Variants in PIWIL3 observed in about 807,000 individuals in gnomAD.
The protein encoded by PIWIL3 is piwi-like protein 3.
PIWIL3 carries 101 observed loss-of-function variants against 109.7 expected under a neutral mutation model. The ratio of observed to expected loss-of-function variants is 0.92; its 90% CI spans 0.78 to 1.09. PIWIL3 has a LOEUF of 1.09. Ranked by LOEUF, PIWIL3 falls within the 50% of genes least tolerant of loss-of-function variation. The probability of loss-of-function intolerance (pLI) is 0.00; values close to 1 mark genes in which losing one functional copy is unlikely to be tolerated. For synonymous variants in PIWIL3, 373 were observed against 376.4 expected (o/e 0.99, Z 0.10); for missense variants, 1,031 against 1,072.6 (o/e 0.96, Z 0.54).
intron 16 of PIWIL3, among the ~76,000 whole-genome samples, chr22:24,727,668 G>GGT (rs1388173920): frequency 3.3e-5 from 5 of 152,156 alleles, no homozygotes. Context: ...TGAACTACCA[G>GGT]GTGTCTGATC....
intron 19 of PIWIL3, among the ~76,000 whole-genome samples, chr22:24,721,298 A>G (rs1422122647): frequency 6.6e-6 from 1 of 152,154 alleles, no homozygotes; most frequent in African/African-American, 2.4e-5. Context: ...TTGTAAATAT[A>G]TTATTCCTGT....
chr22:24,730,979 C>CT, intron 14 of PIWIL3, among the ~76,000 whole-genome samples: 1 of 152,264 alleles, frequency 6.6e-6, no homozygotes. Context: ...CATCACAACT[C>CT]TTTCAGTACT....
intron 12 of PIWIL3, among the ~76,000 whole-genome samples, chr22:24,745,885 T>A (rs1256619025): frequency 6.6e-6 from 1 of 151,962 alleles, no homozygotes; most frequent in Non-Finnish European, 1.5e-5. Flanking sequence ...ACTAAACATA[T>A]ACAACCTACC....
chr22:24,760,887 T>C (rs1206768223), intron 2 of PIWIL3, among the ~76,000 whole-genome samples: 2 of 147,552 alleles, frequency 1.4e-5, no homozygotes, highest in Non-Finnish European at 3.0e-5. Context: ...GACAAGGAAA[T>C]AGCAAGGGAT....
At chr22:24,768,211 T>C (rs1452775229) in intron 1 of PIWIL3, among the ~76,000 whole-genome samples, 1 of 152,094 alleles carries the variant, frequency 6.6e-6, no homozygotes, top group Non-Finnish European at 1.5e-5. Context: ...TTTCCCTTTT[T>C]CTTTTTTTGT....
At chr22:24,758,623 C>A (rs1033898320) in intron 3 of PIWIL3, among the ~76,000 whole-genome samples, 1 of 152,182 alleles carries the variant, frequency 6.6e-6, no homozygotes, top group Non-Finnish European at 1.5e-5. Context: ...ATCCCGTACA[C>A]CTAAATGGCC....
In PIWIL3 at chr22:24,719,589, C is replaced by G; in HGVS notation, c.2506-1G>C. On this transcript the variant is annotated splice_acceptor_variant, in intron 20 of 20. Transcript: ENST00000616349. LOFTEE classifies it high-confidence loss of function. ...AAGGCGCTGGAACTCGGATGATGCC[C>G]TTTAGTAGGAAAAGAAAATACACAA... 1 of 1,578,958 alleles carries G rather than the reference C, an allele frequency of 6.3e-7. No homozygotes were observed. Among genetic ancestry groups the G allele is most frequent in the Non-Finnish European group, 8.6e-7 (1 of 1,166,610 alleles).
chr22:24,720,140 C>T (rs1922576455), intron 19 of PIWIL3, among the ~76,000 whole-genome samples: 1 of 151,946 alleles, frequency 6.6e-6, no homozygotes, highest in Non-Finnish European at 1.5e-5. Flanking sequence ...TGCACTGAAA[C>T]CTAGAGGAAG....
At chr22:24,721,223 T>G (rs540955383) in intron 19 of PIWIL3, among the ~76,000 whole-genome samples, 1 of 152,246 alleles carries the variant, frequency 6.6e-6, no homozygotes, top group Non-Finnish European at 1.5e-5. Context: ...TGGTTATTTT[T>G]AAGCATTTTA....
chr22:24,762,363 C>G, intron 2 of PIWIL3, 35 bp downstream of exon 2: 2 of 1,598,172 alleles, frequency 1.3e-6, no homozygotes, highest in Non-Finnish European at 1.7e-6. Context: ...AGGCACATAT[C>G]TCTTGCAGAA....
Position 24,762,508 on chromosome 22 carries a change from T to A in PIWIL3, c.-9A>T. 6.2e-7 allele frequency: 1 copy of A among 1,609,056 alleles called. No individual in the cohort carries two copies. The highest frequency in any genetic ancestry group is 8.5e-7 in the Non-Finnish European group (1 of 1,178,396). ...CTTGCCCTACCAGGCATTGTGGTCC[T>A]GAAGGTGATGACCCTGAAGAATACA... is the stretch of plus-strand genomic sequence containing the variant. On this transcript the variant is annotated 5_prime_UTR_variant, in exon 2 of 21. Coordinates refer to ENST00000616349, the MANE Select transcript of PIWIL3 (RefSeq NM_001255975.1).
rs571332017 is a variant in PIWIL3 at position 24,737,656 on chromosome 22, C to T, written c.1450-1764G>A. On this transcript the variant is annotated intron_variant, in intron 12 of 20. Transcript: ENST00000616349. Reference sequence around the variant, plus strand: ...CAAGCAGGCTTTTGGGGTCCCCAATCCCAGGCCTTGGCTCGTGGATGGCAT... The same window carrying T: ...CAAGCAGGCTTTTGGGGTCCCCAATTCCAGGCCTTGGCTCGTGGATGGCAT... Among the ~76,000 whole-genome samples the T allele has an allele frequency of 2.6e-5, 4 of 152,304 alleles. No individual in the cohort carries two copies. In the East Asian group the frequency reaches 7.7e-4, roughly 29 times the overall value.
intron 19 of PIWIL3, among the ~76,000 whole-genome samples, chr22:24,722,468 T>C (rs1922730659): frequency 6.6e-6 from 1 of 152,036 alleles, no homozygotes; most frequent in African/African-American, 2.4e-5. Context: ...ATCCCAGCAC[T>C]TTGGGCCACC....
chr22:24,765,376 C>T lies in PIWIL3; in HGVS notation c.-22-2855G>A, dbSNP rs866912362. 1.2e-4 allele frequency among the ~76,000 whole-genome samples: 18 copies of T among 152,296 alleles called. 1 individual carries two copies. The Middle Eastern group carries it at 0.017, about 144-fold the overall frequency. On this transcript the variant is annotated intron_variant, in intron 1 of 20. Coordinates refer to ENST00000616349, the MANE Select transcript of PIWIL3 (RefSeq NM_001255975.1). Reference sequence around the variant, plus strand: ...TCTGCTACAGTCGTCACTCTATTGTCATGGGGATCAATCTTCACTAAACTT... The same window carrying T: ...TCTGCTACAGTCGTCACTCTATTGTTATGGGGATCAATCTTCACTAAACTT...
rs570626055 is a variant in PIWIL3, at chr22:24,762,660, G to C, written c.-22-139C>G. ...GTTTGGCTCATCATTCTGATGGCTG[G>C]AAAGTCCAAGACTGGGCAGCCCATC... On this transcript the variant is annotated intron_variant, in intron 1 of 20. Transcript: ENST00000616349. 6 of 728,270 alleles carry C rather than the reference G, an allele frequency of 8.2e-6. No individual in the cohort carries two copies. The African/African-American group carries it at 9.2e-5, about 11-fold the overall frequency. 45.1% of individuals were successfully genotyped at this position (728,270 alleles called of 1,614,324 possible).
At chr22:24,729,194 T>C (rs1231011723) in intron 14 of PIWIL3, among the ~76,000 whole-genome samples, 1 of 152,136 alleles carries the variant, frequency 6.6e-6, no homozygotes, top group Admixed American at 6.5e-5. Context: ...GGAAATTTCT[T>C]AGAAAAGCTT....
intron 6 of PIWIL3, 111 bp from the exon 7 acceptor site, chr22:24,754,975 A>G (rs1924938536): frequency 5.0e-6 from 4 of 804,812 alleles, no homozygotes; most frequent in African/African-American, 1.7e-5. Context: ...ATTATCAATG[A>G]ACACAAAGTA....
intron 5 of PIWIL3, among the ~76,000 whole-genome samples, chr22:24,756,275 T>C (rs935966456): frequency 3.9e-5 from 6 of 151,962 alleles, no homozygotes; most frequent in Non-Finnish European, 1.5e-5. Context: ...TTGAGCCACA[T>C]TGTATTATTA....
At chr22:24,760,655 C>T (rs898637071) in intron 2 of PIWIL3, among the ~76,000 whole-genome samples, 3 of 151,800 alleles carry the variant, frequency 2.0e-5, no homozygotes, top group Non-Finnish European at 4.4e-5. Flanking sequence ...TGGCACATGC[C>T]TGTAATCCCA....
Sources: gnomAD v4.1 joint callset for allele counts (sites outside exome capture counted in the v4.1 genomes callset) on GRCh38, gnomAD v4.1.1 for gene constraint, MANE v1.5 for transcripts, NCBI Gene and HGNC (gene_info 2026-07-23, HGNC 2026-07-21) for gene names.